The following LMOD1 variants were observed in gnomAD, a reference collection of about 807,000 sequenced individuals.
LMOD1 encodes the protein leiomodin 1.
LMOD1 carries 8 observed loss-of-function variants against 36.5 expected under a neutral mutation model. That is an observed-to-expected ratio of 0.22 (90% CI 0.13 to 0.40). The LOEUF (loss-of-function observed/expected upper bound fraction) is 0.40. Ranked by LOEUF, LMOD1 falls within the 10% of genes least tolerant of loss-of-function variation. LMOD1 has a pLI of 1.00. For missense variants in LMOD1, 630 were observed against 751.1 expected, an observed-to-expected ratio of 0.84 and a Z score of 1.88; for synonymous variants, 284 against 288.7, an observed-to-expected ratio of 0.98 and a Z score of 0.17.
intron 1 of LMOD1, among the ~76,000 whole-genome samples, chr1:201,930,219 G>A (rs1681894677): frequency 6.6e-6 from 1 of 152,216 alleles, no homozygotes; most frequent in Admixed American, 6.5e-5. Flanking sequence ...AAGCTACACT[G>A]AGTAATTGAA....
chr1:201,898,219 C>A lies in LMOD1; in HGVS notation c.*153G>T. The A allele has an allele frequency of 1.3e-6, 1 of 752,076 alleles. No individual in the cohort carries two copies. The allele number at this position is 752,076 out of a possible 1,614,324, so 46.6% of individuals were successfully genotyped here. Reference sequence around the variant, plus strand: ...AAGTGAGAAGAGATAAGGCATCCTTCCTTGAGCGTGACCCAGGCCTGGACT... The same window carrying A: ...AAGTGAGAAGAGATAAGGCATCCTTACTTGAGCGTGACCCAGGCCTGGACT... On this transcript the variant is annotated 3_prime_UTR_variant, in exon 3 of 3. Transcript: ENST00000367288.
At chr1:201,913,700 C>T (rs1407703046) in intron 1 of LMOD1, among the ~76,000 whole-genome samples, 1 of 152,164 alleles carries the variant, frequency 6.6e-6, no homozygotes, top group Non-Finnish European at 1.5e-5. Context: ...CCTTTTGCTG[C>T]TGAGGAAGGT....
chr1:201,923,534 A>G (rs909345057), intron 1 of LMOD1, among the ~76,000 whole-genome samples: 2 of 152,102 alleles, frequency 1.3e-5, no homozygotes, highest in Non-Finnish European at 2.9e-5. Context: ...CAGCCTGGAC[A>G]ACATAGTGAG....
intron 1 of LMOD1, among the ~76,000 whole-genome samples, chr1:201,932,890 A>T (rs1437143391): frequency 6.6e-6 from 1 of 152,182 alleles, no homozygotes; most frequent in Non-Finnish European, 1.5e-5. Context: ...TATTGACAGA[A>T]GAAGAAATTA....
In LMOD1 at chr1:201,900,679, C is replaced by T. The variant is rs1302590279; in HGVS notation, c.334G>A (p.Ala112Thr). 4 of 1,613,706 alleles carry T rather than the reference C, an allele frequency of 2.5e-6. No homozygotes were observed. Among genetic ancestry groups the T allele is most frequent in the Non-Finnish European group, 3.4e-6 (4 of 1,179,858 alleles). Residue 112 changes from alanine to threonine, a missense_variant, in exon 2 of 3, where the codon GCC becomes ACC. Physicochemically the swap from Ala to Thr is moderately conservative, Grantham distance 58. Coordinates refer to ENST00000367288, the MANE Select transcript of LMOD1 (RefSeq NM_012134.3). The stretch of plus-strand genomic sequence containing the variant: ...TCTGAGTCCCGTCTGGGGCCCAGGG[C>T]TTTTTTGCTGGCATCTCTGCCCCTT... The part of the protein sequence containing the change: ...EERGRDASKK[A>T]LGPRRDSDLG...
intron 1 of LMOD1, among the ~76,000 whole-genome samples, chr1:201,912,409 C>T (rs1376786742): frequency 1.3e-5 from 2 of 152,088 alleles, no homozygotes; most frequent in African/African-American, 2.4e-5. Flanking sequence ...CCCTTCACTC[C>T]CTCCCTTATC....
rs564528447 is a variant in LMOD1 at position 201,903,254 on chromosome 1, G to T, written c.262-2503C>A. Among the ~76,000 whole-genome samples, 6 of 152,314 alleles carry T rather than the reference G, an allele frequency of 3.9e-5. No homozygotes were observed. In the East Asian group the frequency reaches 1.2e-3, roughly 29 times the overall value. ...GGTTTTTTTAGCAGCGAGAGTCCTTGGCTCCTCTGCTAGAATCACAATAAG... is the reference window on the plus strand; with the variant it reads ...GGTTTTTTTAGCAGCGAGAGTCCTTTGCTCCTCTGCTAGAATCACAATAAG... On this transcript the variant is annotated intron_variant, in intron 1 of 2. Coordinates refer to ENST00000367288, the MANE Select transcript of LMOD1 (RefSeq NM_012134.3).
rs866505571 is a variant in LMOD1, at chr1:201,901,555, T to C, written c.262-804A>G. Among the ~76,000 whole-genome samples the C allele has an allele frequency of 9.3e-3, 285 of 30,518 alleles. 25 individuals carry two copies. The highest frequency in any genetic ancestry group is 0.023 in the South Asian group (26 of 1,130). 20.0% of individuals were successfully genotyped at this position (30,518 alleles called of 152,430 possible). A position where few individuals can be genotyped will look rare whatever the true frequency, so the allele number is the denominator to read the frequency against. Reference sequence around the variant, plus strand: ...GTATATATATATATATATATATACATATATATATGTATATATATATATATA... The same window carrying C: ...GTATATATATATATATATATATACACATATATATGTATATATATATATATA... On this transcript the variant is annotated intron_variant, in intron 1 of 2. Coordinates refer to ENST00000367288, the MANE Select transcript of LMOD1 (RefSeq NM_012134.3).
rs1328836369 is a variant in LMOD1, at chr1:201,933,578, G to A, written c.261+12502C>T. Among the ~76,000 whole-genome samples the A allele has an allele frequency of 4.6e-3, 543 of 117,624 alleles. 6 individuals are homozygous for A. Among genetic ancestry groups the A allele is most frequent in the Non-Finnish European group, 7.1e-3 (400 of 56,686 alleles). The allele number at this position is 117,624 out of a possible 152,430, so 77.2% of individuals were successfully genotyped here. A position where few individuals can be genotyped will look rare whatever the true frequency, so the allele number is the denominator to read the frequency against. ...TATAATACATATATATATTATATAT[G>A]TACACATATACATACATTATATATA... On this transcript the variant is annotated intron_variant, in intron 1 of 2. Transcript: ENST00000367288.
rs1438554597 is a variant in LMOD1 at position 201,900,726 on chromosome 1, G to A, written c.287C>T (p.Thr96Ile). 1 of 1,598,608 alleles carries A rather than the reference G, an allele frequency of 6.3e-7. No homozygotes were observed. Among genetic ancestry groups the A allele is most frequent in the African/African-American group, 1.4e-5 (1 of 73,738 alleles). ...MDESKQVETKTDAKNGEERGR... is the reference protein window; with the variant it reads ...MDESKQVETKIDAKNGEERGR... Reference sequence around the variant, plus strand: ...CCTTTCCTCTCCATTCTTGGCATCTGTCTTGGTCTCCACTTGCTTGCTTTC... The same window carrying A: ...CCTTTCCTCTCCATTCTTGGCATCTATCTTGGTCTCCACTTGCTTGCTTTC... Residue 96 changes from threonine to isoleucine, a missense_variant, in exon 2 of 3, where the codon ACA becomes ATA. Physicochemically the swap from Thr to Ile is moderately conservative, Grantham distance 89. Around this residue, in one of 3 missense-constraint regions of LMOD1, gnomAD observed 405 missense variants for 400.6 expected, o/e 1.01. Transcript: ENST00000367288.
chr1:201,900,889 G>A (rs1681289284), intron 1 of LMOD1, 138 bp from the exon 2 acceptor site: 4 of 722,064 alleles, frequency 5.5e-6, no homozygotes, highest in Non-Finnish European at 8.8e-6. Context: ...GGGAGAGTGG[G>A]GTGGATGTCT....
At chr1:201,943,775 C>T (rs1235743568) in intron 1 of LMOD1, among the ~76,000 whole-genome samples, 1 of 152,204 alleles carries the variant, frequency 6.6e-6, no homozygotes, top group African/African-American at 2.4e-5. Context: ...TACCGCAGCA[C>T]CGCTTTTAGT....
Position 201,899,469 on chromosome 1 carries a change from G to A in LMOD1, c.1544C>T (p.Pro515Leu), listed in dbSNP as rs1571572276. The change falls in exon 2 of 3, where the codon CCA becomes CTA. Residue 515 changes from proline (P) to leucine (L), a missense_variant. Transcript: ENST00000367288. The surrounding 1 kb of genome is among the most constrained non-coding windows in gnomAD (Gnocchi z 6.3). The part of the protein sequence containing the change: ...AKGSPKPSPQ[P>L]SPKPSPKNSP... ...GTTCTTTGGAGAGGGCTTTGGAGATGGTTGAGGTGAAGGTTTTGGGGAGCC... is the reference window on the plus strand; with the variant it reads ...GTTCTTTGGAGAGGGCTTTGGAGATAGTTGAGGTGAAGGTTTTGGGGAGCC... The A allele has an allele frequency of 6.2e-7, 1 of 1,613,998 alleles. No individual in the cohort carries two copies. Among genetic ancestry groups the A allele is most frequent in the Non-Finnish European group, 8.5e-7 (1 of 1,179,890 alleles).
chr1:201,932,115 G>T (rs1681933740), intron 1 of LMOD1, among the ~76,000 whole-genome samples: 1 of 152,182 alleles, frequency 6.6e-6, no homozygotes, highest in South Asian at 2.1e-4. Flanking sequence ...GGCTAGGGGT[G>T]ATGGAAGGTT....
rs1264628414 is a variant in LMOD1, at chr1:201,897,409, G to A, written c.*963C>T. 6.5e-6 allele frequency: 1 copy of A among 155,030 alleles called. No homozygotes were observed. Among genetic ancestry groups the A allele is most frequent in the East Asian group, 1.9e-4 (1 of 5,216 alleles). 9.6% of individuals were successfully genotyped at this position (155,030 alleles called of 1,614,324 possible). A position where few individuals can be genotyped will look rare whatever the true frequency, so the allele number is the denominator to read the frequency against. On this transcript the variant is annotated 3_prime_UTR_variant, in exon 3 of 3. Transcript: ENST00000367288. ...TCCAGGCAGCAGGACTGGTTCAGGA[G>A]CAGACCTAGTAGAGGCCTGGCCTTC...
chr1:201,932,306 T>C (rs1365778830), intron 1 of LMOD1, among the ~76,000 whole-genome samples: 2 of 152,152 alleles, frequency 1.3e-5, no homozygotes, highest in Non-Finnish European at 2.9e-5. Context: ...CTCTAAGTCA[T>C]CATCTTTGGA....
intron 1 of LMOD1, among the ~76,000 whole-genome samples, chr1:201,931,752 G>C (rs145358748): frequency 4.6e-5 from 7 of 151,936 alleles, no homozygotes; most frequent in Admixed American, 4.6e-4. Context: ...GTAAAGAAAG[G>C]CTGGCTGGGC....
chr1:201,901,512 ATATATATATATATATATGTAT>A (rs1681301052), intron 1 of LMOD1, among the ~76,000 whole-genome samples: 1 of 35,000 alleles, frequency 2.9e-5, no homozygotes, highest in East Asian at 8.1e-4. Context: ...CAAAAAAAAA[ATATATATATATATATATGTAT>A]ATATATATAT....
At chr1:201,906,270 G>A (rs556083564) in intron 1 of LMOD1, among the ~76,000 whole-genome samples, 1 of 152,252 alleles carries the variant, frequency 6.6e-6, no homozygotes, top group South Asian at 2.1e-4. Context: ...AAGCCCCAGG[G>A]AAATATGTGA....
Sources: gnomAD v4.1 joint callset for allele counts (sites outside exome capture counted in the v4.1 genomes callset) on GRCh38, gnomAD v4.1.1 for gene constraint, gnomAD v4.1.1 regional missense constraint, Gnocchi (gnomAD v3.1) non-coding constraint, MANE v1.5 for transcripts, NCBI Gene and HGNC (gene_info 2026-07-23, HGNC 2026-07-21) for gene names.